MKKS: variants seen among roughly 807,000 people sequenced by gnomAD.
MKKS encodes molecular chaperone MKKS.
Under a neutral mutation model 33.2 loss-of-function variants are expected in MKKS, and 29 were observed. The ratio of observed to expected loss-of-function variants is 0.87; its 90% CI spans 0.65 to 1.19. The LOEUF (loss-of-function observed/expected upper bound fraction) is 1.19, where lower values mean the gene tolerates loss of function less well. Among genes scored for constraint, MKKS ranks in the 50% most tolerant of loss-of-function variants. MKKS has a pLI of 0.00. For missense variants in MKKS, 661 were observed against 662.3 expected (o/e 1.00, Z 0.02); for synonymous variants, 260 against 244.0 (o/e 1.07, Z -0.61).
chr20:10,434,044 C>T (rs1335315541), intron 1 of MKKS, 64 bp downstream of exon 1: 2 of 152,378 alleles, frequency 1.3e-5, no homozygotes, highest in African/African-American at 4.8e-5. Flanking sequence ...GCCTACAAGC[C>T]CCTTCCCCTC....
In MKKS at chr20:10,402,858, A is replaced by G. The variant is rs2064817570; in HGVS notation, c.*2389T>C. The G allele has an allele frequency of 6.6e-6, 1 of 152,232 alleles. No individual in the cohort carries two copies. Among genetic ancestry groups the G allele is most frequent in the East Asian group, 1.9e-4 (1 of 5,202 alleles). 9.4% of individuals were successfully genotyped at this position (152,232 alleles called of 1,614,324 possible). On this transcript the variant is annotated 3_prime_UTR_variant, in exon 6 of 6. Transcript: ENST00000347364. ...GTTTTCAGTAAATAATTTATTACAA[A>G]TAAGCTTTTCCTCCTGCCTTTATTA...
chr20:10,425,802 A>ATT (rs111239346), intron 1 of MKKS, among the ~76,000 whole-genome samples: 14 of 151,970 alleles, frequency 9.2e-5, no homozygotes, highest in African/African-American at 3.1e-4. Flanking sequence ...GAGAAATGAG[A>ATT]TTTTTTCCCT....
intron 1 of MKKS, among the ~76,000 whole-genome samples, chr20:10,427,863 A>C (rs1284167006): frequency 1.3e-5 from 2 of 152,160 alleles, no homozygotes; most frequent in African/African-American, 2.4e-5. Flanking sequence ...TGCAAATCCT[A>C]CCACCTTCCC....
rs2064819953 is a variant in MKKS, at chr20:10,403,238, C to T, written c.*2009G>A. On this transcript the variant is annotated 3_prime_UTR_variant, in exon 6 of 6. Transcript: ENST00000347364. ...ATCAAGAGACAAACTCATCTTTTTA[C>T]CACCAAATATCAGAAGTGATATCCT... The T allele has an allele frequency of 6.6e-6, 1 of 152,182 alleles. No individual in the cohort carries two copies. The highest frequency in any genetic ancestry group is 2.1e-4 in the South Asian group (1 of 4,824). The allele number at this position is 152,182 out of a possible 1,614,324, so 9.4% of individuals were successfully genotyped here.
chr20:10,433,342 C>A (rs1324600669), intron 1 of MKKS, among the ~76,000 whole-genome samples: 1 of 152,232 alleles, frequency 6.6e-6, no homozygotes, highest in African/African-American at 2.4e-5. Flanking sequence ...GTTGAATTCA[C>A]ACATGCGGAA....
chr20:10,431,792 T>C (rs1225350409), intron 1 of MKKS: 1 of 152,212 alleles, frequency 6.6e-6, no homozygotes, highest in Non-Finnish European at 1.5e-5. Context: ...TCCTAGTGCG[T>C]AGCAGAAAAG....
intron 1 of MKKS, among the ~76,000 whole-genome samples, chr20:10,423,410 C>T (rs1341864985): frequency 6.6e-6 from 1 of 151,694 alleles, no homozygotes; most frequent in African/African-American, 2.4e-5. Flanking sequence ...TGATGAAATG[C>T]GATCGTTTCA....
intron 1 of MKKS, among the ~76,000 whole-genome samples, chr20:10,431,420 A>G (rs942217797): frequency 1.3e-5 from 2 of 152,154 alleles, no homozygotes; most frequent in Non-Finnish European, 2.9e-5. Context: ...TCAGGGGGGA[A>G]CTACCAAGAA....
chr20:10,428,336 G>C (rs2065030350), intron 1 of MKKS, among the ~76,000 whole-genome samples: 2 of 152,172 alleles, frequency 1.3e-5, no homozygotes, highest in Non-Finnish European at 2.9e-5. Flanking sequence ...TAGATGAATG[G>C]GCCTTTAGTG....
chr20:10,408,771 A>T lies in MKKS; in HGVS notation c.1018T>A (p.Cys340Ser), dbSNP rs1306761931. Residue 340 changes from cysteine (C) to serine (S), a missense_variant, in exon 4 of 6, where the codon TGT (cysteine) becomes AGT (serine). By Grantham distance (112) the Cys-to-Ser change is moderately radical (BLOSUM62 -1). Transcript: ENST00000347364. Reference protein sequence around the residue: ...TQPIGSLGSICPNSYGSVKDV... With the variant: ...TQPIGSLGSISPNSYGSVKDV... ...TTCACACTTCCATAACTATTAGGAC[A>T]TATTGAGCCTAGGGATCCAATAGGC... 2 of 1,613,868 alleles carry T rather than the reference A, an allele frequency of 1.2e-6. No individual in the cohort carries two copies. The highest frequency in any genetic ancestry group is 1.7e-6 in the Non-Finnish European group (2 of 1,179,826).
At chr20:10,415,345 G>A (rs1047260698) in intron 2 of MKKS, among the ~76,000 whole-genome samples, 1 of 152,158 alleles carries the variant, frequency 6.6e-6, no homozygotes, top group African/African-American at 2.4e-5. Flanking sequence ...ATGGTGATCA[G>A]ACCAAAACCT....
At position 10,413,233 on chromosome 20, in the gene MKKS, GA is replaced by G. The variant is rs587777827; in HGVS notation, c.281del (p.Phe94SerfsTer9). 3.7e-6 allele frequency: 6 copies of G among 1,614,202 alleles called. No individual in the cohort carries two copies. Among genetic ancestry groups the G allele is most frequent in the Non-Finnish European group, 5.1e-6 (6 of 1,180,036 alleles). On this transcript the variant is annotated frameshift_variant, in exon 3 of 6. Coordinates refer to ENST00000347364, the MANE Select transcript of MKKS (RefSeq NM_170784.3). LOFTEE classifies it high-confidence loss of function. ...TCAGGTTGCAGCAAAGAATAGCTGT[GA>G]ATAAGCCACAATCACTGAAGCTTGA... ...HVSSFSDCGLFTAILCCNLIE... is the reference protein window; with the variant it reads ...HVSSFSDCGLXTAILCCNLIE...
At chr20:10,405,787 A>C in intron 5 of MKKS, 100 bp from the exon 6 acceptor site, 1 of 1,153,988 alleles carries the variant, frequency 8.7e-7, no homozygotes, top group Non-Finnish European at 1.3e-6. Context: ...TCCTAAAGTA[A>C]TTACTTACTT....
chr20:10,431,590 A>C (rs1419955690), intron 1 of MKKS: 1 of 152,204 alleles, frequency 6.6e-6, no homozygotes, highest in East Asian at 1.9e-4. Context: ...AAAACTGCAT[A>C]AAGTCTTTAC....
chr20:10,405,558 T>G lies in MKKS; in HGVS notation c.1402A>C (p.Ile468Leu). 1 of 1,614,152 alleles carries G rather than the reference T, an allele frequency of 6.2e-7. No homozygotes were observed. The highest frequency in any genetic ancestry group is 8.5e-7 in the Non-Finnish European group (1 of 1,180,018). ...TGTCCATACTTCATGTCAGTGAGAA[T>G]TTCACCTCCATCATGTTCTAAAGAG... ...VGSLEHDGGEILTDMKYGHLW... is the reference protein window; with the variant it reads ...VGSLEHDGGELLTDMKYGHLW... The change falls in exon 6 of 6, where the codon ATT becomes CTT. Residue 468 changes from isoleucine (I) to leucine (L), a missense_variant. Physicochemically the swap from Ile to Leu is conservative, Grantham distance 5 (BLOSUM62 2). Coordinates refer to ENST00000347364, the MANE Select transcript of MKKS (RefSeq NM_170784.3).
chr20:10,421,110 C>CT (rs112594722), intron 1 of MKKS, among the ~76,000 whole-genome samples: 21,704 of 151,972 alleles, frequency 0.14, 1,736 homozygotes, highest in East Asian at 0.24. Context: ...GAGTAAGAGC[C>CT]TTTTTTTAAA....
At chr20:10,416,408 C>T (rs1250318700) in intron 2 of MKKS, among the ~76,000 whole-genome samples, 49 of 151,870 alleles carry the variant, frequency 3.2e-4, no homozygotes, top group Admixed American at 3.1e-3. Flanking sequence ...TGGGTCATAT[C>T]ACAAGGACAA....
chr20:10,423,394 G>A (rs986967548), intron 1 of MKKS, among the ~76,000 whole-genome samples: 2 of 152,060 alleles, frequency 1.3e-5, no homozygotes, highest in Admixed American at 1.3e-4. Context: ...TGCACTCCAG[G>A]ACAGGTGATG....
At position 10,405,649 on chromosome 20, in the gene MKKS, T is replaced by C. The variant is rs764654199; in HGVS notation, c.1311A>G (p.Glu437=). 18 of 1,614,062 alleles carry C rather than the reference T, an allele frequency of 1.1e-5. No homozygotes were observed. The South Asian group carries it at 1.9e-4, about 17-fold the overall frequency. The change falls in exon 6 of 6, where the codon GAA becomes GAG. Residue 437 remains glutamate, a synonymous_variant. Coordinates refer to ENST00000347364, the MANE Select transcript of MKKS (RefSeq NM_170784.3). ...NDPESILKDD[E]CTQTELQLIA... is the part of the protein sequence containing the mutation. ...TTAATTGAAGTTCTGTTTGAGTACA[T>C]TCATCATCTTTGAGAATGCTTTCTG...
Sources: allele counts gnomAD v4.1 joint callset (sites outside exome capture counted in the v4.1 genomes callset), GRCh38; gene constraint gnomAD v4.1.1; transcripts MANE v1.5; gene names NCBI Gene and HGNC (gene_info 2026-07-23, HGNC 2026-07-21).